Variants in LUZP2 observed in about 807,000 individuals in gnomAD.
The protein encoded by LUZP2 is leucine zipper protein 2.
Under a neutral mutation model 51.6 loss-of-function variants are expected in LUZP2, and 52 were observed. The ratio of observed to expected loss-of-function variants is 1.01; its 90% CI spans 0.81 to 1.27. LUZP2 has a LOEUF of 1.27. Ranked by LOEUF, LUZP2 falls within the 50% of genes most tolerant of loss-of-function variation. The pLI is 0.00. For synonymous variants in LUZP2, 154 were observed against 137.3 expected (o/e 1.12, Z -0.85); for missense variants, 436 against 395.4 (o/e 1.10, Z -0.87).
At chr11:25,008,965 TA>T (rs1180605166) in intron 9 of LUZP2, among the ~76,000 whole-genome samples, 2 of 152,196 alleles carry the variant, frequency 1.3e-5, no homozygotes, top group African/African-American at 2.4e-5. Flanking sequence ...TTTCAGGCTT[TA>T]AATTGTCTTT....
chr11:25,038,000 C>T lies in LUZP2; in HGVS notation c.766-12038C>T, dbSNP rs2134001720. ...CTCTATATTACTTGGATATGTATGT[C>T]AACCTCCCTAGCAAAATTAGTGAAA... On this transcript the variant is annotated intron_variant, in intron 9 of 11. Coordinates refer to ENST00000336930, the MANE Select transcript of LUZP2 (RefSeq NM_001009909.4). Among the ~76,000 whole-genome samples the T allele has an allele frequency of 2.0e-5, 3 of 152,116 alleles. No individual in the cohort carries two copies. The East Asian group carries it at 5.8e-4, about 29-fold the overall frequency.
At chr11:24,890,758 A>G (rs1382525917) in intron 5 of LUZP2, among the ~76,000 whole-genome samples, 4 of 152,164 alleles carry the variant, frequency 2.6e-5, no homozygotes, top group Admixed American at 2.6e-4. Flanking sequence ...ATGTTTAATA[A>G]TGCACAATGA....
intron 7 of LUZP2, among the ~76,000 whole-genome samples, chr11:24,948,831 CTATCTATCT>C (rs745762189): frequency 0.54 from 51,702 of 95,744 alleles, 10,782 homozygotes; most frequent in East Asian, 0.71. Context: ...TATCATCTAT[CTATCTATCT>C]ATCTATCTAT....
chr11:24,572,535 T>A (rs1290602522), intron 1 of LUZP2, among the ~76,000 whole-genome samples: 1 of 152,028 alleles, frequency 6.6e-6, no homozygotes, highest in Non-Finnish European at 1.5e-5. Context: ...ATTTCTAATG[T>A]GACAATGCAC....
chr11:25,010,420 C>T (rs1856947549), intron 9 of LUZP2, among the ~76,000 whole-genome samples: 1 of 151,938 alleles, frequency 6.6e-6, no homozygotes, highest in Non-Finnish European at 1.5e-5. Context: ...CAAGGGGATT[C>T]ACCTGTCATC....
intron 7 of LUZP2, among the ~76,000 whole-genome samples, chr11:24,950,917 A>T (rs1417924419): frequency 6.6e-6 from 1 of 151,546 alleles, no homozygotes; most frequent in Non-Finnish European, 1.5e-5. Context: ...ATTGATAAGA[A>T]AGTTTTTTAG....
At chr11:24,999,313 A>G (rs1005371447) in intron 9 of LUZP2, among the ~76,000 whole-genome samples, 1 of 151,908 alleles carries the variant, frequency 6.6e-6, no homozygotes, top group African/African-American at 2.4e-5. Flanking sequence ...TTGCAATGAG[A>G]GAAGGGAAGA....
chr11:25,005,809 A>G (rs951405791), intron 9 of LUZP2, among the ~76,000 whole-genome samples: 7 of 152,126 alleles, frequency 4.6e-5, no homozygotes, highest in Non-Finnish European at 1.5e-5. Flanking sequence ...CTCTTAGACC[A>G]CAAAGAAGAC....
chr11:25,004,089 C>T (rs935266159), intron 9 of LUZP2, among the ~76,000 whole-genome samples: 1 of 152,014 alleles, frequency 6.6e-6, no homozygotes. Flanking sequence ...TAAACATACC[C>T]GGGGCTCAGT....
intron 7 of LUZP2, among the ~76,000 whole-genome samples, chr11:24,968,813 G>C (rs775498609): frequency 1.3e-5 from 2 of 152,134 alleles, no homozygotes; most frequent in African/African-American, 4.8e-5. Flanking sequence ...ATTGCTCTTC[G>C]CACCTTGGTT....
intron 4 of LUZP2, among the ~76,000 whole-genome samples, chr11:24,745,180 T>C (rs1165380712): frequency 1.3e-5 from 2 of 152,182 alleles, no homozygotes; most frequent in Non-Finnish European, 2.9e-5. Context: ...GAATGTATAT[T>C]CTGGGGTTGT....
At chr11:24,938,821 A>G (rs1565135443) in intron 7 of LUZP2, among the ~76,000 whole-genome samples, 1 of 152,220 alleles carries the variant, frequency 6.6e-6, no homozygotes, top group Non-Finnish European at 1.5e-5. Flanking sequence ...TTTTGATAAC[A>G]ATACTTAGCT....
intron 1 of LUZP2, among the ~76,000 whole-genome samples, chr11:24,674,331 C>A (rs576335811): frequency 2.0e-4 from 30 of 152,266 alleles, no homozygotes; most frequent in African/African-American, 6.5e-4. Flanking sequence ...TCTCTTTCAT[C>A]CTTTGGGTAC....
At chr11:24,975,569 A>G (rs1200912655) in intron 7 of LUZP2, among the ~76,000 whole-genome samples, 1 of 152,062 alleles carries the variant, frequency 6.6e-6, no homozygotes, top group Non-Finnish European at 1.5e-5. Flanking sequence ...AATGGAATAA[A>G]GCAAAGTGGT....
Position 24,826,190 on chromosome 11 carries a change from A to AAAAAAATATATAT in LUZP2, c.396+62883_396+62884insAAAAATATATATA, listed in dbSNP as rs1215786412. ...GACTCCATCTCAAAAAAAAAAAAAA[A>AAAAAAATATATAT]ATATATATATATATATATAGTAAAA... On this transcript the variant is annotated intron_variant, in intron 5 of 11. Coordinates refer to ENST00000336930, the MANE Select transcript of LUZP2 (RefSeq NM_001009909.4). Among the ~76,000 whole-genome samples, 185 of 67,546 alleles carry AAAAAAATATATAT rather than the reference A, an allele frequency of 2.7e-3. 3 individuals carry two copies. The highest frequency in any genetic ancestry group is 4.2e-3 in the South Asian group (8 of 1,894). The allele number at this position is 67,546 out of a possible 152,430, so 44.3% of individuals were successfully genotyped here. A position where few individuals can be genotyped will look rare whatever the true frequency, so the allele number is the denominator to read the frequency against.
intron 9 of LUZP2, among the ~76,000 whole-genome samples, chr11:24,994,341 A>T (rs1224691183): frequency 6.6e-6 from 1 of 152,128 alleles, no homozygotes; most frequent in Non-Finnish European, 1.5e-5. Context: ...ATCAAACTTC[A>T]TTTGTCTGCA....
intron 4 of LUZP2, among the ~76,000 whole-genome samples, chr11:24,761,922 G>A (rs751784824): frequency 6.6e-6 from 1 of 151,564 alleles, no homozygotes; most frequent in South Asian, 2.1e-4. Flanking sequence ...TGTAAGTTCA[G>A]TATAGTGGTT....
In LUZP2 at chr11:24,736,467, A is replaced by G. The variant is rs1369211945; in HGVS notation, c.252-1754A>G. On this transcript the variant is annotated intron_variant, in intron 3 of 11. Transcript: ENST00000336930. The stretch of plus-strand genomic sequence containing the variant: ...GATTTGAGTGTTTGGGATAACATGT[A>G]GGTCCTTCCTTCCTTCCTTCCTTCC... Among the ~76,000 whole-genome samples, 4 of 141,032 alleles carry G rather than the reference A, an allele frequency of 2.8e-5. No individual in the cohort carries two copies. The East Asian group carries it at 8.7e-4, about 31-fold the overall frequency. 92.5% of individuals were successfully genotyped at this position (141,032 alleles called of 152,430 possible).
intron 7 of LUZP2, among the ~76,000 whole-genome samples, chr11:24,933,049 C>T (rs1024010626): frequency 1.3e-5 from 2 of 152,176 alleles, no homozygotes; most frequent in Non-Finnish European, 2.9e-5. Flanking sequence ...TGTCTCAGCT[C>T]CAGATAAGGT....
Sources: allele counts gnomAD v4.1 joint callset (sites outside exome capture counted in the v4.1 genomes callset), GRCh38; gene constraint gnomAD v4.1.1; transcripts MANE v1.5; gene names NCBI Gene and HGNC (gene_info 2026-07-23, HGNC 2026-07-21).